Variants in WDR7 observed in about 807,000 individuals in gnomAD.
WDR7 encodes the protein WD repeat domain 7, also known as WD repeat-containing protein 7.
WDR7 carries 46 observed loss-of-function variants against 169.4 expected under a neutral mutation model. The observed-to-expected ratio is 0.27, with a 90% CI of 0.21 to 0.35. The LOEUF is 0.35. Among genes scored for constraint, WDR7 ranks in the 10% least tolerant of loss-of-function variants. WDR7 has a pLI of 1.00. For missense variants in WDR7, 1,534 were observed against 1,859.3 expected (o/e 0.83, Z 3.22); for synonymous variants, 612 against 666.8 (o/e 0.92, Z 1.27).
chr18:56,991,519 C>G (rs1213153891), intron 26 of WDR7, among the ~76,000 whole-genome samples: 1 of 152,106 alleles, frequency 6.6e-6, no homozygotes, highest in African/African-American at 2.4e-5. Flanking sequence ...GACCATGAGA[C>G]TAGAGATTGC....
intron 26 of WDR7, among the ~76,000 whole-genome samples, chr18:56,983,054 G>A (rs2047668178): frequency 6.6e-6 from 1 of 152,150 alleles, no homozygotes; most frequent in South Asian, 2.1e-4. Flanking sequence ...TGACAAAGAG[G>A]TGGAAGGTCT....
intron 25 of WDR7, among the ~76,000 whole-genome samples, chr18:56,949,541 T>C (rs1216727447): frequency 6.6e-6 from 1 of 152,228 alleles, no homozygotes; most frequent in Non-Finnish European, 1.5e-5. Flanking sequence ...GGTCAGAATT[T>C]AAAAATCTGC....
At chr18:56,905,758 A>C (rs542722278) in intron 21 of WDR7, among the ~76,000 whole-genome samples, 3 of 152,094 alleles carry the variant, frequency 2.0e-5, no homozygotes, top group Non-Finnish European at 4.4e-5. Context: ...CAAATATTAT[A>C]AGCAAAATAA....
intron 21 of WDR7, among the ~76,000 whole-genome samples, chr18:56,906,225 T>C (rs1161462700): frequency 6.6e-6 from 1 of 152,154 alleles, no homozygotes; most frequent in Admixed American, 6.5e-5. Context: ...AATATTGTCA[T>C]AGGAATATAC....
intron 25 of WDR7, among the ~76,000 whole-genome samples, chr18:56,956,368 G>A (rs1375822927): frequency 6.6e-6 from 1 of 152,114 alleles, no homozygotes; most frequent in African/African-American, 2.4e-5. Context: ...CTGAAATTCT[G>A]GAGGGTGTAT....
In WDR7 at chr18:56,816,157, A is replaced by T; in HGVS notation, c.3304+13A>T. On this transcript the variant is annotated intron_variant, in intron 20 of 27. Transcript: ENST00000254442. ...GACATCACCACTGGTAAGCACAGAC[A>T]TCTTTAACGTCTGATTGGAGCTTTG... 6.3e-7 allele frequency: 1 copy of T among 1,592,954 alleles called. No homozygotes were observed. The highest frequency in any genetic ancestry group is 8.5e-7 in the Non-Finnish European group (1 of 1,170,824).
intron 2 of WDR7, among the ~76,000 whole-genome samples, chr18:56,674,880 T>C (rs991088339): frequency 2.0e-5 from 3 of 152,228 alleles, no homozygotes; most frequent in Admixed American, 6.5e-5. Flanking sequence ...GACTTCATTC[T>C]TTTGCATGTG....
chr18:56,818,589 G>A (rs1348907863), intron 20 of WDR7, among the ~76,000 whole-genome samples: 4 of 152,310 alleles, frequency 2.6e-5, no homozygotes, highest in African/African-American at 9.6e-5. Context: ...CAACTAGTAT[G>A]TTGCAGCCTG....
At chr18:56,945,631 C>T (rs751319) in intron 25 of WDR7, among the ~76,000 whole-genome samples, 3,434 of 152,186 alleles carry the variant, frequency 0.023, 117 homozygotes, top group African/African-American at 0.078. Flanking sequence ...AGTACTTGCT[C>T]CCTGTCAGGC....
intron 25 of WDR7, among the ~76,000 whole-genome samples, chr18:56,943,073 A>G (rs1340838580): frequency 6.6e-6 from 1 of 152,244 alleles, no homozygotes; most frequent in Non-Finnish European, 1.5e-5. Flanking sequence ...GAAGTTTCAC[A>G]GGTCAATGCC....
rs553831184 is a variant in WDR7, at chr18:57,010,666, T to G, written c.4165-10079T>G. On this transcript the variant is annotated intron_variant, in intron 26 of 27. Coordinates refer to ENST00000254442, the MANE Select transcript of WDR7 (RefSeq NM_015285.3). ...CATTTCAACATGCAAAGAAAAGACA[T>G]ATCAATTATGTATAATTTAATTGGA... Among the ~76,000 whole-genome samples the G allele has an allele frequency of 1.6e-3, 238 of 152,200 alleles. 1 individual carries two copies. Among genetic ancestry groups the G allele is most frequent in the Non-Finnish European group, 2.7e-3 (184 of 68,020 alleles).
Position 56,694,604 on chromosome 18 carries a change from TA to T in WDR7, c.967-14del, listed in dbSNP as rs759212928. The T allele has an allele frequency of 4.7e-5, 76 of 1,600,502 alleles. No homozygotes were observed. The highest frequency in any genetic ancestry group is 5.4e-5 in the Non-Finnish European group (63 of 1,171,480). ...AAAAATACAGCTAAAGATATTCAAA[TA>T]CTTTTTTTGGCAGTTGCTAATTTGT... On this transcript the variant is annotated splice_polypyrimidine_tract_variant and intron_variant, in intron 9 of 27. Coordinates refer to ENST00000254442, the MANE Select transcript of WDR7 (RefSeq NM_015285.3).
At chr18:57,006,213 A>G (rs1364902481) in intron 26 of WDR7, among the ~76,000 whole-genome samples, 2 of 152,184 alleles carry the variant, frequency 1.3e-5, no homozygotes, top group Admixed American at 1.3e-4. Flanking sequence ...GCATGATAGT[A>G]ATTATGAGCA....
intron 20 of WDR7, among the ~76,000 whole-genome samples, chr18:56,864,280 A>G (rs1464606966): frequency 6.6e-6 from 1 of 151,588 alleles, no homozygotes; most frequent in African/African-American, 2.4e-5. Context: ...TACTTCTGGG[A>G]AAATATCAAA....
intron 12 of WDR7, among the ~76,000 whole-genome samples, chr18:56,700,559 T>G (rs2025806601): frequency 1.6e-5 from 1 of 61,108 alleles, no homozygotes; most frequent in Non-Finnish European, 3.1e-5. Context: ...CTGGCCAATA[T>G]TGTTTCTTTT....
At chr18:56,693,441 G>C (rs990246792) in intron 9 of WDR7, among the ~76,000 whole-genome samples, 2 of 151,846 alleles carry the variant, frequency 1.3e-5, no homozygotes, top group Non-Finnish European at 2.9e-5. Flanking sequence ...ACAGAGGCTA[G>C]GTTCAAATTG....
At chr18:56,749,096 C>T (rs1402828713) in intron 14 of WDR7, among the ~76,000 whole-genome samples, 1 of 151,918 alleles carries the variant, frequency 6.6e-6, no homozygotes, top group Non-Finnish European at 1.5e-5. Flanking sequence ...TATTCAGTGA[C>T]CGTTTTACAT....
At chr18:57,032,817 A>T (rs1194646910), downstream of WDR7, 8 of 82,468 alleles carry the variant, frequency 9.7e-5, 1 homozygote, top group African/African-American at 7.5e-4. Context: ...ATATATATAT[A>T]TATATATATA....
chr18:56,946,271 T>A (rs2047101920), intron 25 of WDR7, among the ~76,000 whole-genome samples: 1 of 152,210 alleles, frequency 6.6e-6, no homozygotes, highest in South Asian at 2.1e-4. Context: ...GCCATTTGCA[T>A]GGAGCCACCT....
Sources: gnomAD v4.1 joint callset for allele counts (sites outside exome capture counted in the v4.1 genomes callset) on GRCh38, gnomAD v4.1.1 for gene constraint, MANE v1.5 for transcripts, NCBI Gene and HGNC (gene_info 2026-07-23, HGNC 2026-07-21) for gene names.